TUSC3: variants seen among roughly 807,000 people sequenced by gnomAD.
TUSC3 encodes the protein dolichyl-diphosphooligosaccharide--protein glycosyltransferase subunit TUSC3.
A neutral mutation model predicts 44.8 loss-of-function variants in TUSC3; 45 were observed. That is an observed-to-expected ratio of 1.00 (90% confidence interval 0.79 to 1.29). TUSC3 has a LOEUF of 1.29. TUSC3 is among the 50% of genes most tolerant of loss of function. The pLI, the probability that TUSC3 is intolerant of heterozygous loss-of-function variation, is 0.00. For missense variants in TUSC3, 519 were observed against 437.9 expected (o/e 1.19, Z -1.65); for synonymous variants, 212 against 152.9 (o/e 1.39, Z -2.85).
chr8:15,537,208 C>G (rs1010955031), upstream of TUSC3, among the ~76,000 whole-genome samples: 2 of 152,090 alleles, frequency 1.3e-5, no homozygotes, highest in Non-Finnish European at 2.9e-5. Context: ...TAATCCTTTA[C>G]CTTAACCTAA....
the TUSC3 span, among the ~76,000 whole-genome samples, chr8:15,814,389 C>T: frequency 6.6e-6 from 1 of 152,124 alleles, no homozygotes; most frequent in Non-Finnish European, 1.5e-5. Context: ...GAATATGAGT[C>T]ACTAATAGAG....
chr8:15,746,759 GGAAAA>G (rs963865397), intron 8 of TUSC3, among the ~76,000 whole-genome samples: 15 of 151,958 alleles, frequency 9.9e-5, no homozygotes, highest in Non-Finnish European at 1.8e-4. Context: ...GGAGATGGAA[GGAAAA>G]GAAAAGAAAG....
chr8:15,446,128 G>A (rs1232894961), intron 1 of TUSC3, among the ~76,000 whole-genome samples: 3 of 152,084 alleles, frequency 2.0e-5, no homozygotes, highest in African/African-American at 4.8e-5. Context: ...GATCCCAGAC[G>A]GGGTCGCGGC....
At chr8:15,750,304 A>T (rs1006838272) in intron 9 of TUSC3, among the ~76,000 whole-genome samples, 1 of 152,050 alleles carries the variant, frequency 6.6e-6, no homozygotes, top group Non-Finnish European at 1.5e-5. Flanking sequence ...TATTTAGTTG[A>T]CAGGAAGTAG....
At chr8:15,545,956 C>T (rs886691131) in intron 1 of TUSC3, among the ~76,000 whole-genome samples, 2 of 151,706 alleles carry the variant, frequency 1.3e-5, no homozygotes, top group Non-Finnish European at 1.5e-5. Context: ...ATAAATTGCT[C>T]ATCTCCATAA....
intron 1 of TUSC3, among the ~76,000 whole-genome samples, chr8:15,575,184 A>C (rs1039825241): frequency 9.9e-5 from 15 of 152,072 alleles, no homozygotes; most frequent in African/African-American, 3.4e-4. Context: ...ATAAACCTAT[A>C]CTACTTTATG....
chr8:15,736,702 C>T (rs1360339995), intron 7 of TUSC3, among the ~76,000 whole-genome samples: 1 of 152,138 alleles, frequency 6.6e-6, no homozygotes, highest in African/African-American at 2.4e-5. Flanking sequence ...TATGATTTTA[C>T]TGTCCTAACT....
chr8:15,770,324 C>A (rs144359010), downstream of TUSC3, among the ~76,000 whole-genome samples: 7 of 152,148 alleles, frequency 4.6e-5, no homozygotes, highest in South Asian at 4.2e-4. Context: ...AACCAAACAC[C>A]GCGTGTTCTC....
intron 2 of TUSC3, among the ~76,000 whole-genome samples, chr8:15,645,834 T>C (rs1806600716): frequency 6.6e-6 from 1 of 152,020 alleles, no homozygotes; most frequent in African/African-American, 2.4e-5. Flanking sequence ...ATAACTAAAG[T>C]AAAGGAAATC....
rs756440700 is a variant in TUSC3, at chr8:15,766,457, G to A, written c.*2301G>A. The A allele has an allele frequency of 1.3e-5, 2 of 152,010 alleles. No homozygotes were observed. Among genetic ancestry groups the A allele is most frequent in the Non-Finnish European group, 2.9e-5 (2 of 67,982 alleles). The allele number at this position is 152,010 out of a possible 1,614,324, so 9.4% of individuals were successfully genotyped here. On this transcript the variant is annotated 3_prime_UTR_variant, in exon 11 of 11. Transcript: ENST00000503731. Reference sequence around the variant, plus strand: ...CACTTTTTAACCAGATTCACTGTGCGTTCCAAACTGTCATAAAAATTGATT... The same window carrying A: ...CACTTTTTAACCAGATTCACTGTGCATTCCAAACTGTCATAAAAATTGATT...
rs571660401 is a variant in TUSC3 at position 15,417,731 on chromosome 8, C to T, written n.91+426C>T. Among the ~76,000 whole-genome samples the T allele has an allele frequency of 7.9e-5, 12 of 152,304 alleles. No individual in the cohort carries two copies. The East Asian group carries it at 2.3e-3, about 29-fold the overall frequency. On this transcript the variant is annotated intron_variant and non_coding_transcript_variant, in intron 1 of 5. Coordinates refer to the TUSC3 transcript ENST00000503191. ...TTCAGGACTTCAAAGAGATAGTATGCACAGCTGGTAGGATATTCTGTGGCT... is the reference window on the plus strand; with the variant it reads ...TTCAGGACTTCAAAGAGATAGTATGTACAGCTGGTAGGATATTCTGTGGCT...
chr8:15,673,540 T>C (rs1204074255), intron 5 of TUSC3, among the ~76,000 whole-genome samples: 1 of 152,076 alleles, frequency 6.6e-6, no homozygotes, highest in Non-Finnish European at 1.5e-5. Context: ...AGAGCTGGCA[T>C]ACCAATTTTA....
At chr8:15,644,758 G>A (rs919355585) in intron 2 of TUSC3, among the ~76,000 whole-genome samples, 1 of 151,738 alleles carries the variant, frequency 6.6e-6, no homozygotes, top group African/African-American at 2.4e-5. Context: ...GTATTCCTCG[G>A]GCTCATTTAT....
rs1464147025 is a variant in TUSC3, at chr8:15,504,604, TATATATATATATA to T, written n.189+21122_189+21134del. ...ATATATATATATATATATATATATATATATATATATATATATATTTTTTTTTTTTTTTTTTTTT... is the reference window on the plus strand; with the variant it reads ...ATATATATATATATATATATATATATTATATTTTTTTTTTTTTTTTTTTTT... On this transcript the variant is annotated intron_variant and non_coding_transcript_variant, in intron 2 of 5. Coordinates refer to the TUSC3 transcript ENST00000503191. Among the ~76,000 whole-genome samples the T allele has an allele frequency of 1.8e-4, 7 of 39,770 alleles. No homozygotes were observed. The East Asian group carries it at 2.1e-3, about 12-fold the overall frequency. 26.1% of individuals were successfully genotyped at this position (39,770 alleles called of 152,430 possible). A position where few individuals can be genotyped will look rare whatever the true frequency, so the allele number is the denominator to read the frequency against.
intron 2 of TUSC3, among the ~76,000 whole-genome samples, chr8:15,500,635 C>A (rs1009147422): frequency 2.6e-5 from 4 of 152,122 alleles, no homozygotes; most frequent in African/African-American, 7.2e-5. Flanking sequence ...TGAATCAAAT[C>A]TTTTTTAAAT....
At chr8:15,675,312 A>T (rs1808136381) in intron 6 of TUSC3, among the ~76,000 whole-genome samples, 1 of 150,806 alleles carries the variant, frequency 6.6e-6, no homozygotes, top group Non-Finnish European at 1.5e-5. Context: ...CTTTAGGTAT[A>T]AAACATATTA....
chr8:15,818,624 G>A, the TUSC3 span, among the ~76,000 whole-genome samples: 1 of 152,276 alleles, frequency 6.6e-6, no homozygotes, highest in African/African-American at 2.4e-5. Context: ...TCAGAACAGG[G>A]TTTTTAAGCA....
intron 1 of TUSC3, among the ~76,000 whole-genome samples, chr8:15,570,761 C>T (rs1006488876): frequency 6.6e-6 from 1 of 151,966 alleles, no homozygotes; most frequent in Non-Finnish European, 1.5e-5. Context: ...AAATGCAGAA[C>T]TGACTTCAAA....
intron 2 of TUSC3, among the ~76,000 whole-genome samples, chr8:15,510,127 C>T (rs1399536355): frequency 2.6e-5 from 4 of 152,132 alleles, no homozygotes; most frequent in Non-Finnish European, 2.9e-5. Context: ...GAGCTATGAT[C>T]ACACCACTGA....
Sources: allele counts gnomAD v4.1 joint callset (sites outside exome capture counted in the v4.1 genomes callset), GRCh38; gene constraint gnomAD v4.1.1; transcripts MANE v1.5; gene names NCBI Gene and HGNC (gene_info 2026-07-23, HGNC 2026-07-21).